The following STK32B variants were observed in gnomAD, a reference collection of about 807,000 sequenced individuals.
STK32B encodes the protein serine/threonine kinase 32B.
STK32B carries 43 observed loss-of-function variants against 52.6 expected under a neutral mutation model. That is an observed-to-expected ratio of 0.82 (90% confidence interval 0.64 to 1.05). The LOEUF is 1.05. STK32B is among the 50% of genes least tolerant of loss of function. The pLI, the probability that STK32B is intolerant of heterozygous loss-of-function variation, is 0.00. For synonymous variants in STK32B, 238 were observed against 204.3 expected, an observed-to-expected ratio of 1.17 and a Z score of -1.41; for missense variants, 621 against 534.6, an observed-to-expected ratio of 1.16 and a Z score of -1.59.
At chr4:5,109,971 A>G (rs1229091567) in intron 1 of STK32B, among the ~76,000 whole-genome samples, 1 of 152,030 alleles carries the variant, frequency 6.6e-6, no homozygotes, top group Non-Finnish European at 1.5e-5. Flanking sequence ...CTGTATATCA[A>G]TAACATTCAT....
intron 4 of STK32B, among the ~76,000 whole-genome samples, chr4:5,393,458 A>C (rs1321445854): frequency 6.6e-6 from 1 of 152,164 alleles, no homozygotes; most frequent in East Asian, 1.9e-4. Flanking sequence ...TAAAGAAAAG[A>C]GGTTTCATTG....
rs988237518 is a variant in STK32B, at chr4:5,460,537, G to C, written c.909+309G>C. Reference sequence around the variant, plus strand: ...GCTGATCTACCCTTCTGCCTCCACAGAGCTGACTGCCGAGTAGAGGAAGAC... The same window carrying C: ...GCTGATCTACCCTTCTGCCTCCACACAGCTGACTGCCGAGTAGAGGAAGAC... On this transcript the variant is annotated intron_variant, in intron 9 of 11. Transcript: ENST00000282908. This position sits in a 1 kb window ranked among gnomAD's most constrained non-coding sequence, Gnocchi z 4.8. Among the ~76,000 whole-genome samples, 2 of 152,164 alleles carry C rather than the reference G, an allele frequency of 1.3e-5. No homozygotes were observed. Among genetic ancestry groups the C allele is most frequent in the African/African-American group, 4.8e-5 (2 of 41,444 alleles).
chr4:5,097,680 A>C (rs752404494), intron 1 of STK32B, among the ~76,000 whole-genome samples: 1 of 152,124 alleles, frequency 6.6e-6, no homozygotes, highest in Non-Finnish European at 1.5e-5. Context: ...GCCATTTTTT[A>C]TGGTTTCTGA....
At chr4:5,248,290 C>G (rs988282205) in intron 3 of STK32B, among the ~76,000 whole-genome samples, 3 of 152,190 alleles carry the variant, frequency 2.0e-5, no homozygotes, top group African/African-American at 7.2e-5. Flanking sequence ...GTAACAAATT[C>G]AGGCATGTAG....
intron 3 of STK32B, among the ~76,000 whole-genome samples, chr4:5,299,208 C>T (rs1214004222): frequency 3.3e-5 from 5 of 152,020 alleles, no homozygotes; most frequent in Admixed American, 6.6e-5. Flanking sequence ...GCGTTGGTCT[C>T]GCTGGGAGCT....
chr4:5,159,652 A>AAT (rs1189531794), intron 2 of STK32B, among the ~76,000 whole-genome samples: 2 of 86,616 alleles, frequency 2.3e-5, no homozygotes, highest in African/African-American at 1.4e-4. Flanking sequence ...AATGTATATG[A>AAT]ATATATATAT....
At chr4:5,100,411 TCCC>T (rs200051733) in intron 1 of STK32B, among the ~76,000 whole-genome samples, 2,082 of 141,450 alleles carry the variant, frequency 0.015, 62 homozygotes, top group African/African-American at 0.053. Flanking sequence ...CCTTCCTCCC[TCCC>T]TCCTTGCCTT....
intron 2 of STK32B, among the ~76,000 whole-genome samples, chr4:5,149,518 C>T (rs7668954): frequency 0.33 from 49,236 of 151,464 alleles, 9,426 homozygotes; most frequent in Non-Finnish European, 0.44. Flanking sequence ...AATTGTTGCT[C>T]TAAAGGATTA....
intron 7 of STK32B, among the ~76,000 whole-genome samples, chr4:5,452,583 G>C (rs950441673): frequency 1.3e-5 from 2 of 152,150 alleles, no homozygotes; most frequent in African/African-American, 4.8e-5. Context: ...TTTCTCTGGG[G>C]TTTGGAGGTT....
intron 4 of STK32B, among the ~76,000 whole-genome samples, chr4:5,376,757 A>G (rs1280484881): frequency 6.6e-6 from 1 of 152,112 alleles, no homozygotes; most frequent in Admixed American, 6.6e-5. Context: ...CCAATGCCAA[A>G]TAGACAGGTC....
At chr4:5,447,770 C>G (rs1715599924) in intron 7 of STK32B, among the ~76,000 whole-genome samples, 1 of 152,178 alleles carries the variant, frequency 6.6e-6, no homozygotes, top group South Asian at 2.1e-4. Context: ...ATAATAAGAT[C>G]CTTTCTGTCT....
At position 5,051,643 on chromosome 4, in the gene STK32B, C is replaced by G. The variant is rs1741785328; in HGVS notation, c.-221C>G. 1 of 543,016 alleles carries G rather than the reference C, an allele frequency of 1.8e-6. No individual in the cohort carries two copies. Among genetic ancestry groups the G allele is most frequent in the African/African-American group, 2.0e-5 (1 of 49,226 alleles). 33.6% of individuals were successfully genotyped at this position (543,016 alleles called of 1,614,324 possible). The stretch of plus-strand genomic sequence containing the variant: ...GCCCGAGGCGGGGCACGGCGGAAGG[C>G]GCGGCGAGAGCGGGGTCCCTGCGAG... On this transcript the variant is annotated 5_prime_UTR_variant, in exon 1 of 12. Transcript: ENST00000282908.
chr4:5,495,409 C>T (rs2108733019), intron 11 of STK32B, among the ~76,000 whole-genome samples: 1 of 152,268 alleles, frequency 6.6e-6, no homozygotes, highest in Non-Finnish European at 1.5e-5. Flanking sequence ...GTTCTCGAGC[C>T]TTGGCTTTCA....
At chr4:5,473,156 A>G (rs561486309) in intron 11 of STK32B, among the ~76,000 whole-genome samples, 22 of 152,306 alleles carry the variant, frequency 1.4e-4, no homozygotes, top group African/African-American at 5.1e-4. Flanking sequence ...CCTAGTTCCC[A>G]GGCTCTTTCT....
intron 3 of STK32B, among the ~76,000 whole-genome samples, chr4:5,174,013 G>C (rs1265802826): frequency 6.6e-6 from 1 of 152,098 alleles, no homozygotes; most frequent in Non-Finnish European, 1.5e-5. Flanking sequence ...ATATATTTAG[G>C]GTAGTTAGTT....
At chr4:5,444,637 G>T (rs1289012297) in intron 6 of STK32B, among the ~76,000 whole-genome samples, 1 of 152,134 alleles carries the variant, frequency 6.6e-6, no homozygotes, top group South Asian at 2.1e-4. Context: ...CCCGCCTTGG[G>T]CATTCTTAAG....
intron 4 of STK32B, among the ~76,000 whole-genome samples, chr4:5,362,109 A>T (rs1166178894): frequency 6.6e-6 from 1 of 152,194 alleles, no homozygotes; most frequent in East Asian, 1.9e-4. Flanking sequence ...CATCATCAAG[A>T]TGTATAGAAC....
intron 3 of STK32B, among the ~76,000 whole-genome samples, chr4:5,262,528 G>A (rs1225295128): frequency 3.3e-5 from 5 of 151,774 alleles, no homozygotes; most frequent in Non-Finnish European, 2.9e-5. Context: ...GGGAGGCTGC[G>A]GCAGGAGAAT....
intron 4 of STK32B, among the ~76,000 whole-genome samples, chr4:5,384,252 C>G (rs773884836): frequency 6.6e-6 from 1 of 152,208 alleles, no homozygotes. Context: ...GCTGACAGCT[C>G]TGCCCTGGTG....
Sources: gnomAD v4.1 joint callset for allele counts (sites outside exome capture counted in the v4.1 genomes callset) on GRCh38, gnomAD v4.1.1 for gene constraint, Gnocchi (gnomAD v3.1) non-coding constraint, MANE v1.5 for transcripts, NCBI Gene and HGNC (gene_info 2026-07-23, HGNC 2026-07-21) for gene names.